The following SH3PXD2A variants were observed in gnomAD, a reference collection of about 807,000 sequenced individuals.
SH3PXD2A encodes SH3 and PX domain-containing protein 2A.
Under a neutral mutation model 115.2 loss-of-function variants are expected in SH3PXD2A, and 32 were observed. The observed-to-expected ratio is 0.28, with a 90% CI of 0.21 to 0.37. The LOEUF is 0.37. SH3PXD2A is among the 10% of genes least tolerant of loss of function. SH3PXD2A has a pLI of 1.00. For missense variants in SH3PXD2A, 1,328 were observed against 1,498.7 expected, an observed-to-expected ratio of 0.89 and a Z score of 1.88; for synonymous variants, 610 against 629.1, an observed-to-expected ratio of 0.97 and a Z score of 0.45.
intron 8 of SH3PXD2A, among the ~76,000 whole-genome samples, chr10:103,649,695 T>C (rs933616548): frequency 6.6e-6 from 1 of 152,224 alleles, no homozygotes; most frequent in Non-Finnish European, 1.5e-5. Flanking sequence ...GATGCTGCTG[T>C]AATCAAAAGA....
chr10:103,612,464 T>C (rs1483693267), intron 12 of SH3PXD2A, among the ~76,000 whole-genome samples: 6 of 152,326 alleles, frequency 3.9e-5, no homozygotes, highest in African/African-American at 1.2e-4. Context: ...GTTTTTTTGA[T>C]TTTTTAAAAG....
chr10:103,840,190 G>A (rs2039583725), intron 1 of SH3PXD2A, among the ~76,000 whole-genome samples: 1 of 152,182 alleles, frequency 6.6e-6, no homozygotes, highest in Non-Finnish European at 1.5e-5. Flanking sequence ...AGGGCGGGGA[G>A]GTTGCCCCGC....
chr10:103,795,996 A>G (rs1380880092), intron 2 of SH3PXD2A, among the ~76,000 whole-genome samples: 1 of 152,028 alleles, frequency 6.6e-6, no homozygotes, highest in Admixed American at 6.6e-5. Flanking sequence ...ATTCTCAAAA[A>G]ACAACCAAAT....
At chr10:103,681,803 C>T (rs891176048) in intron 6 of SH3PXD2A, among the ~76,000 whole-genome samples, 16 of 152,246 alleles carry the variant, frequency 1.1e-4, no homozygotes, top group Admixed American at 6.5e-4. Context: ...CGGCCAGATG[C>T]GGTGGCTCAT....
chr10:103,605,970 C>T, intron 13 of SH3PXD2A, 53 bp from the exon 14 acceptor site: 1 of 1,600,692 alleles, frequency 6.2e-7, no homozygotes. Flanking sequence ...AGAAGAGTAA[C>T]TTGGCCAAGG....
intron 4 of SH3PXD2A, among the ~76,000 whole-genome samples, chr10:103,734,021 G>A (rs2038353356): frequency 6.6e-6 from 1 of 152,148 alleles, no homozygotes; most frequent in South Asian, 2.1e-4. Flanking sequence ...CTCTGTATGA[G>A]GACACTGTGA....
In SH3PXD2A at chr10:103,682,217, C is replaced by T. The variant is rs567068158; in HGVS notation, c.427+10811G>A. 2.8e-4 allele frequency among the ~76,000 whole-genome samples: 43 copies of T among 152,326 alleles called. No homozygotes were observed. The East Asian group carries it at 5.8e-3, about 21-fold the overall frequency. ...GCTTGCCACGCCCCTGCCCCCTCCC[C>T]GCTCCGCCTTGCTCTGTGTGTCCAG... On this transcript the variant is annotated intron_variant, in intron 6 of 14. Transcript: ENST00000369774.
chr10:103,721,563 G>A (rs936607252), intron 5 of SH3PXD2A, among the ~76,000 whole-genome samples: 2 of 152,202 alleles, frequency 1.3e-5, no homozygotes, highest in South Asian at 2.1e-4. Context: ...CTTTTGTGGC[G>A]ATACACCTGC....
intron 2 of SH3PXD2A, among the ~76,000 whole-genome samples, chr10:103,788,751 C>A (rs1263489244): frequency 6.6e-6 from 1 of 152,102 alleles, no homozygotes; most frequent in Non-Finnish European, 1.5e-5. Context: ...CCTGTAATCC[C>A]AGCTACTCTA....
At chr10:103,804,515 G>T (rs2039181836) in intron 1 of SH3PXD2A, among the ~76,000 whole-genome samples, 1 of 151,758 alleles carries the variant, frequency 6.6e-6, no homozygotes, top group African/African-American at 2.4e-5. Context: ...GTAGAGACAG[G>T]GTTTCACCAT....
At chr10:103,830,359 T>C (rs541279886) in intron 1 of SH3PXD2A, among the ~76,000 whole-genome samples, 2 of 152,108 alleles carry the variant, frequency 1.3e-5, no homozygotes, top group East Asian at 1.9e-4. Flanking sequence ...TAGGGAGAAG[T>C]GCCAATAGGC....
chr10:103,701,490 A>G (rs1489223434), intron 5 of SH3PXD2A, among the ~76,000 whole-genome samples: 1 of 142,814 alleles, frequency 7.0e-6, no homozygotes, highest in Non-Finnish European at 1.5e-5. Context: ...TCATCCATCC[A>G]TCATCCATCC....
chr10:103,685,685 C>T (rs1297962140), intron 6 of SH3PXD2A, among the ~76,000 whole-genome samples: 2 of 152,172 alleles, frequency 1.3e-5, no homozygotes, highest in Admixed American at 1.3e-4. Flanking sequence ...ACTCAATCCT[C>T]AACCCCATGA....
chr10:103,792,181 G>A (rs980653178), intron 2 of SH3PXD2A, among the ~76,000 whole-genome samples: 8 of 152,206 alleles, frequency 5.3e-5, no homozygotes, highest in Non-Finnish European at 1.0e-4. Context: ...CCTCTTTCCA[G>A]GAGCAAGGAA....
chr10:103,691,006 G>C (rs1295555176), intron 6 of SH3PXD2A, among the ~76,000 whole-genome samples: 1 of 152,212 alleles, frequency 6.6e-6, no homozygotes, highest in East Asian at 1.9e-4. Flanking sequence ...GCTTTCCCTG[G>C]GGGAGGCAGC....
chr10:103,759,294 A>G (rs1040710443), intron 3 of SH3PXD2A, among the ~76,000 whole-genome samples: 1 of 152,196 alleles, frequency 6.6e-6, no homozygotes, highest in Non-Finnish European at 1.5e-5. Flanking sequence ...CCTGCTGACT[A>G]AAAATATACC....
At chr10:103,854,194 T>C (rs1842919972) in intron 1 of SH3PXD2A, among the ~76,000 whole-genome samples, 1 of 152,192 alleles carries the variant, frequency 6.6e-6, no homozygotes. Flanking sequence ...CAATGTACAA[T>C]CCAGGGCAGC....
chr10:103,848,403 G>T (rs931326256), intron 1 of SH3PXD2A, among the ~76,000 whole-genome samples: 1 of 152,112 alleles, frequency 6.6e-6, no homozygotes, highest in Non-Finnish European at 1.5e-5. Flanking sequence ...AGGCACAGTC[G>T]CAAAAACAGC....
At chr10:103,743,392 C>CT (rs889040451) in intron 3 of SH3PXD2A, among the ~76,000 whole-genome samples, 1 of 152,052 alleles carries the variant, frequency 6.6e-6, no homozygotes, top group Non-Finnish European at 1.5e-5. Context: ...GACTGGGACT[C>CT]TTTTTTTGTT....
Sources: gnomAD v4.1 joint callset for allele counts (sites outside exome capture counted in the v4.1 genomes callset) on GRCh38, gnomAD v4.1.1 for gene constraint, MANE v1.5 for transcripts, NCBI Gene and HGNC (gene_info 2026-07-23, HGNC 2026-07-21) for gene names.